HTR6: variants seen among roughly 807,000 people sequenced by gnomAD.
The protein encoded by HTR6 is 5-hydroxytryptamine receptor 6.
A neutral mutation model predicts 17.4 loss-of-function variants in HTR6; 15 were observed. The observed-to-expected ratio is 0.86, with a 90% CI of 0.58 to 1.33. The LOEUF is 1.33. HTR6 is among the 40% of genes most tolerant of loss of function. The probability of loss-of-function intolerance (pLI) is 0.00; values close to 1 mark genes in which losing one functional copy is unlikely to be tolerated. For synonymous variants in HTR6, 326 were observed against 295.5 expected (o/e 1.10, Z -1.06); for missense variants, 578 against 616.0 (o/e 0.94, Z 0.65).
Position 19,679,120 on chromosome 1 carries a change from G to A in HTR6, c.1075G>A (p.Gly359Ser), listed in dbSNP as rs781113098. 11 of 1,611,736 alleles carry A rather than the reference G, an allele frequency of 6.8e-6. No homozygotes were observed. Among genetic ancestry groups the A allele is most frequent in the Admixed American group, 3.3e-5 (2 of 59,894 alleles). Reference sequence around the variant, plus strand: ...GCCATCACTGCGCACCTCTCACAGCGGCCCCCGGCCCGGCCTTAGCCTACA... The same window carrying A: ...GCCATCACTGCGCACCTCTCACAGCAGCCCCCGGCCCGGCCTTAGCCTACA... ...ASPSLRTSHSGPRPGLSLQQV... is the reference protein window; with the variant it reads ...ASPSLRTSHSSPRPGLSLQQV... The change falls in exon 3 of 3, where the codon GGC becomes AGC. Residue 359 changes from glycine to serine, a missense_variant. By Grantham distance (56) the Gly-to-Ser change is moderately conservative. Transcript: ENST00000289753. This position sits in a 1 kb window ranked among gnomAD's most constrained non-coding sequence, Gnocchi z 4.9.
rs770569992 is a variant in HTR6 at position 19,678,919 on chromosome 1, G to A, written c.874G>A (p.Ala292Thr). Residue 292 changes from alanine to threonine, a missense_variant and splice_region_variant, in exon 3 of 3, where the codon GCC becomes ACC. Coordinates refer to ENST00000289753, the MANE Select transcript of HTR6 (RefSeq NM_000871.3). The part of the protein sequence containing the change: ...LPFFVANIVQ[A>T]VCDCISPGLF... ...GGCATGATGCATCCCCTCCCCCCAGGCCGTGTGCGACTGCATCTCCCCAGG... is the reference window on the plus strand; with the variant it reads ...GGCATGATGCATCCCCTCCCCCCAGACCGTGTGCGACTGCATCTCCCCAGG... 1.9e-6 allele frequency: 3 copies of A among 1,594,372 alleles called. No individual in the cohort carries two copies. The highest frequency in any genetic ancestry group is 2.3e-5 in the South Asian group (2 of 88,790).
At position 19,666,059 on chromosome 1, in the gene HTR6, G is replaced by A. The variant is rs2095081219; in HGVS notation, c.306G>A (p.Trp102Ter). 6.2e-7 allele frequency: 1 copy of A among 1,613,212 alleles called. No homozygotes were observed. ...TGGCGCGCGGCCTCTGCCTGCTCTG[G>A]ACCGCCTTCGACGTGATGTGCTGCA... is the stretch of plus-strand genomic sequence containing the variant. The part of the protein sequence containing the change: ...WVLARGLCLL[W>*]TAFDVMCCSA... Residue 102 changes from tryptophan (W) to a stop codon, truncating the protein, a stop_gained, in exon 1 of 3, where the codon TGG (tryptophan) becomes TGA (stop). Coordinates refer to ENST00000289753, the MANE Select transcript of HTR6 (RefSeq NM_000871.3). LOFTEE classifies it high-confidence loss of function. This position sits in a 1 kb window ranked among gnomAD's most constrained non-coding sequence, Gnocchi z 4.5.
intron 1 of HTR6, among the ~76,000 whole-genome samples, chr1:19,672,124 G>C (rs1396815415): frequency 1.3e-5 from 2 of 151,696 alleles, no homozygotes; most frequent in African/African-American, 4.8e-5. Flanking sequence ...AGCCCAGCAG[G>C]AGAGGCCCAG....
rs1444998435 is a variant in HTR6, at chr1:19,680,565, ACCTG to A, written c.*1201_*1204del. ...TGGGGATAAACCCAGCCCCTTGCCCACCTGCCTCTGGCCTTCCCTGGGGTCAGTG... is the reference window on the plus strand; with the variant it reads ...TGGGGATAAACCCAGCCCCTTGCCCACCTCTGGCCTTCCCTGGGGTCAGTG... On this transcript the variant is annotated 3_prime_UTR_variant, in exon 3 of 3. Transcript: ENST00000289753. Among the ~76,000 whole-genome samples, 1 of 152,182 alleles carries A rather than the reference ACCTG, an allele frequency of 6.6e-6. No homozygotes were observed. The highest frequency in any genetic ancestry group is 2.4e-5 in the African/African-American group (1 of 41,432).
intron 1 of HTR6, among the ~76,000 whole-genome samples, chr1:19,667,971 A>T (rs3790751): frequency 0.027 from 4,178 of 152,280 alleles, 133 homozygotes; most frequent in African/African-American, 0.074. Flanking sequence ...GACTTGGCAG[A>T]GGGGTGAAAG....
chr1:19,678,807 G>C (rs2095097548), intron 2 of HTR6, 82 bp downstream of exon 2: 9 of 1,562,508 alleles, frequency 5.8e-6, no homozygotes, highest in Non-Finnish European at 7.8e-6. Context: ...GGACAGGGGA[G>C]GGTAGGCTGC....
chr1:19,677,946 G>A (rs996406763), intron 1 of HTR6, among the ~76,000 whole-genome samples: 2 of 152,164 alleles, frequency 1.3e-5, no homozygotes, highest in African/African-American at 4.8e-5. Flanking sequence ...CACCCTGTTG[G>A]CCAGGCTGGT....
At position 19,679,191 on chromosome 1, in the gene HTR6, A is replaced by C. The variant is rs1421382988; in HGVS notation, c.1146A>C (p.Ser382=). 6.3e-7 allele frequency: 1 copy of C among 1,581,268 alleles called. No individual in the cohort carries two copies. The highest frequency in any genetic ancestry group is 2.3e-5 in the East Asian group (1 of 42,736). The change falls in exon 3 of 3, where the codon TCA becomes TCC. Residue 382 remains serine, a synonymous_variant. Transcript: ENST00000289753. This position sits in a 1 kb window ranked among gnomAD's most constrained non-coding sequence, Gnocchi z 4.9. ...LPLPPDSDSD[S]DAGSGGSSGL... is the part of the protein sequence containing the mutation. The stretch of plus-strand genomic sequence containing the variant: ...TGCCGCCGGACTCAGATTCGGACTC[A>C]GACGCAGGCTCAGGCGGCTCCTCGG...
At position 19,665,936 on chromosome 1, in the gene HTR6, C is replaced by T. The variant is rs764439006; in HGVS notation, c.183C>T (p.Ser61=). 1 of 1,613,778 alleles carries T rather than the reference C, an allele frequency of 6.2e-7. No homozygotes were observed. The highest frequency in any genetic ancestry group is 8.5e-7 in the Non-Finnish European group (1 of 1,179,874). Residue 61 remains serine (S), a synonymous_variant, in exon 1 of 3, where the codon TCC becomes TCT. Coordinates refer to ENST00000289753, the MANE Select transcript of HTR6 (RefSeq NM_000871.3). The surrounding 1 kb of genome is among the most constrained non-coding windows in gnomAD (Gnocchi z 4.2). ...ICTQPALRNT[S]NFFLVSLFTS... ...CTCAGCCCGCGCTGCGCAACACGTC[C>T]AACTTCTTCCTGGTGTCGCTCTTCA... is the stretch of plus-strand genomic sequence containing the variant.
chr1:19,672,799 G>T (rs1434590094), intron 1 of HTR6, among the ~76,000 whole-genome samples: 1 of 152,204 alleles, frequency 6.6e-6, no homozygotes, highest in Admixed American at 6.5e-5. Flanking sequence ...GGAGGCCAAG[G>T]CAGGAGGATT....
At position 19,680,235 on chromosome 1, in the gene HTR6, C is replaced by T. The variant is rs563887125; in HGVS notation, c.*867C>T. 3.9e-5 allele frequency among the ~76,000 whole-genome samples: 6 copies of T among 152,352 alleles called. No individual in the cohort carries two copies. The South Asian group carries it at 8.3e-4, about 21-fold the overall frequency. On this transcript the variant is annotated 3_prime_UTR_variant, in exon 3 of 3. Transcript: ENST00000289753. ...TGGTACGTTCTGTTGTTACGACCCC[C>T]GGCTATCCAGCCCCCTGGCCTCTCC...
intron 1 of HTR6, among the ~76,000 whole-genome samples, chr1:19,667,439 G>A (rs760892899): frequency 1.1e-4 from 16 of 151,222 alleles, no homozygotes; most frequent in Non-Finnish European, 1.8e-4. Context: ...TTTTTGAGAC[G>A]GAGTCTCGCT....
Position 19,679,223 on chromosome 1 carries a change from G to T in HTR6, c.1178G>T (p.Arg393Leu), listed in dbSNP as rs763904271. The part of the protein sequence containing the change: ...DAGSGGSSGL[R>L]LTAQLLLPGE... ...GGCTCAGGCGGCTCCTCGGGCCTGC[G>T]GCTCACGGCCCAGCTGCTGCTTCCT... Residue 393 changes from arginine (R) to leucine (L), a missense_variant, in exon 3 of 3, where the codon CGG becomes CTG. Coordinates refer to ENST00000289753, the MANE Select transcript of HTR6 (RefSeq NM_000871.3). The surrounding 1 kb of genome is among the most constrained non-coding windows in gnomAD (Gnocchi z 4.9). The T allele has an allele frequency of 2.4e-5, 37 of 1,570,428 alleles. No individual in the cohort carries two copies. In the South Asian group the frequency reaches 4.3e-4, roughly 18 times the overall value.
At position 19,665,618 on chromosome 1, in the gene HTR6, C is replaced by A. The variant is rs879780929; in HGVS notation, c.-136C>A. 2 of 617,190 alleles carry A rather than the reference C, an allele frequency of 3.2e-6. No individual in the cohort carries two copies. Among genetic ancestry groups the A allele is most frequent in the Non-Finnish European group, 2.8e-6 (1 of 362,824 alleles). The allele number at this position is 617,190 out of a possible 1,614,324, so 38.2% of individuals were successfully genotyped here. On this transcript the variant is annotated 5_prime_UTR_variant, in exon 1 of 3. Coordinates refer to ENST00000289753, the MANE Select transcript of HTR6 (RefSeq NM_000871.3). This position sits in a 1 kb window ranked among gnomAD's most constrained non-coding sequence, Gnocchi z 4.2. ...CCCAGCGCCCCCGCCCATGTCCCCCCACTCACCTCCCCCGGGGGGCGTGGT... is the reference window on the plus strand; with the variant it reads ...CCCAGCGCCCCCGCCCATGTCCCCCAACTCACCTCCCCCGGGGGGCGTGGT...
intron 1 of HTR6, 34 bp from the exon 2 acceptor site, chr1:19,678,533 T>C (rs765028517): frequency 6.2e-7 from 1 of 1,611,860 alleles, no homozygotes; most frequent in Admixed American, 1.7e-5. Flanking sequence ...GGGGGCCCTT[T>C]CTCAACGGAC....
rs1023674361 is a variant in HTR6 at position 19,680,761 on chromosome 1, G to A, written c.*1393G>A. Reference sequence around the variant, plus strand: ...TTGGTCGCCAGTTTACCTGCCATAGGTCCCTTTTCAGCCCTGCCTCCCCCA... The same window carrying A: ...TTGGTCGCCAGTTTACCTGCCATAGATCCCTTTTCAGCCCTGCCTCCCCCA... On this transcript the variant is annotated 3_prime_UTR_variant, in exon 3 of 3. Coordinates refer to ENST00000289753, the MANE Select transcript of HTR6 (RefSeq NM_000871.3). Among the ~76,000 whole-genome samples the A allele has an allele frequency of 6.6e-6, 1 of 152,066 alleles. No individual in the cohort carries two copies. The highest frequency in any genetic ancestry group is 6.5e-5 in the Admixed American group (1 of 15,278).
chr1:19,667,328 G>T (rs2100467889), intron 1 of HTR6, among the ~76,000 whole-genome samples: 1 of 152,042 alleles, frequency 6.6e-6, no homozygotes, highest in South Asian at 2.1e-4. Context: ...TCATAAAAAT[G>T]ACTTGTTCAT....
intron 1 of HTR6, among the ~76,000 whole-genome samples, chr1:19,674,626 G>A (rs911419495): frequency 3.3e-5 from 5 of 152,128 alleles, no homozygotes; most frequent in South Asian, 4.1e-4. Context: ...GGCTGGTCTC[G>A]AACTACTGAC....
chr1:19,665,999 G>A lies in HTR6; in HGVS notation c.246G>A (p.Pro82=), dbSNP rs2095081061. 2 of 1,613,800 alleles carry A rather than the reference G, an allele frequency of 1.2e-6. No homozygotes were observed. The highest frequency in any genetic ancestry group is 1.3e-5 in the African/African-American group (1 of 74,938). Residue 82 remains proline (P), a synonymous_variant, in exon 1 of 3, where the codon CCG becomes CCA. Transcript: ENST00000289753. The surrounding 1 kb of genome is among the most constrained non-coding windows in gnomAD (Gnocchi z 4.2). ...DLMVGLVVMP[P]AMLNALYGRW... ...TGGTGGGGCTGGTGGTGATGCCGCC[G>A]GCCATGCTGAACGCGCTGTACGGGC...
Sources: allele counts gnomAD v4.1 joint callset (sites outside exome capture counted in the v4.1 genomes callset), GRCh38; gene constraint gnomAD v4.1.1; non-coding constraint Gnocchi (gnomAD v3.1); transcripts MANE v1.5; gene names NCBI Gene and HGNC (gene_info 2026-07-23, HGNC 2026-07-21).